MTBP: variants seen among roughly 807,000 people sequenced by gnomAD.
The protein encoded by MTBP is MDM2 binding protein.
MTBP carries 101 observed loss-of-function variants against 117.0 expected under a neutral mutation model. The ratio of observed to expected loss-of-function variants is 0.86; its 90% CI spans 0.73 to 1.02. The LOEUF (loss-of-function observed/expected upper bound fraction) is 1.02. Among genes scored for constraint, MTBP ranks in the 50% least tolerant of loss-of-function variants. The pLI is 0.00. For synonymous variants in MTBP, 350 were observed against 351.5 expected (o/e 1.00, Z 0.05); for missense variants, 970 against 1,030.9 (o/e 0.94, Z 0.81).
intron 12 of MTBP, 64 bp from the exon 13 acceptor site, chr8:120,490,399 C>T: frequency 1.0e-6 from 1 of 974,318 alleles, no homozygotes; most frequent in Non-Finnish European, 1.6e-6. Flanking sequence ...TTCCCAGGAA[C>T]TGAGTACTAA....
intron 20 of MTBP, among the ~76,000 whole-genome samples, chr8:120,519,731 T>C (rs551186899): frequency 6.6e-6 from 1 of 152,260 alleles, no homozygotes; most frequent in South Asian, 2.1e-4. Flanking sequence ...AGAAGCATGT[T>C]AATTCCACAG....
Position 120,456,622 on chromosome 8 carries a change from T to C in MTBP, c.699T>C (p.Ile233=). ...VVSLEDLRNV[I]DSKELWRGKI... The stretch of plus-strand genomic sequence containing the variant: ...CTTTAGAAGATCTCAGAAATGTTAT[T>C]GACTCAAAGGAATTATGGAGGGGGA... The change falls in exon 7 of 22, where the codon ATT becomes ATC. Residue 233 remains isoleucine, a synonymous_variant. Transcript: ENST00000305949. 3 of 1,602,764 alleles carry C rather than the reference T, an allele frequency of 1.9e-6. No homozygotes were observed. Among genetic ancestry groups the C allele is most frequent in the Non-Finnish European group, 2.6e-6 (3 of 1,172,754 alleles).
chr8:120,504,980 G>A (rs900479586), intron 15 of MTBP, among the ~76,000 whole-genome samples: 1 of 151,840 alleles, frequency 6.6e-6, no homozygotes, highest in African/African-American at 2.4e-5. Flanking sequence ...ATACTGTAAG[G>A]ATATTAATTA....
intron 18 of MTBP, among the ~76,000 whole-genome samples, chr8:120,517,380 A>G (rs1814937540): frequency 6.6e-6 from 1 of 152,004 alleles, no homozygotes; most frequent in Admixed American, 6.6e-5. Context: ...TGGCATGCAT[A>G]GCTGATTTAT....
chr8:120,449,659 C>A (rs754080489), intron 2 of MTBP, among the ~76,000 whole-genome samples: 1 of 152,092 alleles, frequency 6.6e-6, no homozygotes, highest in Non-Finnish European at 1.5e-5. Context: ...AACTGAATCC[C>A]AGTATTTAGA....
rs77071545 is a variant in MTBP, at chr8:120,506,688, A to C, written c.1728-18A>C. Reference sequence around the variant, plus strand: ...TTGAATCCACTTTTAATAAATCTGCATAACATTATTTTCCCAGAACTGGTT... The same window carrying C: ...TTGAATCCACTTTTAATAAATCTGCCTAACATTATTTTCCCAGAACTGGTT... On this transcript the variant is annotated intron_variant, in intron 15 of 21. Transcript: ENST00000305949. 21,857 of 1,560,366 alleles carry C rather than the reference A, an allele frequency of 0.014. 197 individuals are homozygous for C. The highest frequency in any genetic ancestry group is 0.018 in the Non-Finnish European group (20,355 of 1,158,530).
intron 2 of MTBP, among the ~76,000 whole-genome samples, chr8:120,448,571 T>C (rs1263660611): frequency 6.6e-6 from 1 of 152,204 alleles, no homozygotes; most frequent in South Asian, 2.1e-4. Flanking sequence ...CAGTGACCAA[T>C]CAATGACGTA....
At chr8:120,493,759 G>A (rs1814397477) in intron 13 of MTBP, among the ~76,000 whole-genome samples, 2 of 152,016 alleles carry the variant, frequency 1.3e-5, no homozygotes. Context: ...CCAAAGTGCT[G>A]GGATTACAGG....
rs1813469473 is a variant in MTBP, at chr8:120,456,482, A to G, written c.630-71A>G. On this transcript the variant is annotated intron_variant, in intron 6 of 21. Coordinates refer to ENST00000305949, the MANE Select transcript of MTBP (RefSeq NM_022045.5). ...TTGCAATTTTGCCTCTTAGGCTTGTAGTTAACTATAATGATTAAATCAGTG... is the reference window on the plus strand; with the variant it reads ...TTGCAATTTTGCCTCTTAGGCTTGTGGTTAACTATAATGATTAAATCAGTG... The G allele has an allele frequency of 4.2e-6, 4 of 961,112 alleles. No individual in the cohort carries two copies. The Admixed American group carries it at 1.0e-4, about 24-fold the overall frequency. The allele number at this position is 961,112 out of a possible 1,614,324, so 59.5% of individuals were successfully genotyped here.
chr8:120,447,210 G>T (rs1813246269), intron 2 of MTBP, among the ~76,000 whole-genome samples: 1 of 151,838 alleles, frequency 6.6e-6, no homozygotes, highest in East Asian at 1.9e-4. Context: ...GCAAGGAAGG[G>T]TCTGCTCCTT....
At chr8:120,502,416 T>C (rs1586966163) in intron 14 of MTBP, 76 bp from the exon 15 acceptor site, 4 of 1,002,190 alleles carry the variant, frequency 4.0e-6, no homozygotes, top group Non-Finnish European at 5.9e-6. Flanking sequence ...TGTATGTGTC[T>C]GTAAATACAC....
At chr8:120,446,325 C>G in intron 1 of MTBP, 108 bp from the exon 2 acceptor site, 1 of 710,324 alleles carries the variant, frequency 1.4e-6, no homozygotes, top group East Asian at 2.5e-5. Context: ...GCGTTTAGTA[C>G]TTTTATGTAC....
At chr8:120,459,148 A>G (rs1237844695) in intron 7 of MTBP, 67 bp from the exon 8 acceptor site, 2 of 1,339,220 alleles carry the variant, frequency 1.5e-6, no homozygotes, top group Middle Eastern at 2.6e-4. Flanking sequence ...ACATTGTAAT[A>G]AGATGTATTA....
chr8:120,484,402 T>C (rs1012309635), intron 11 of MTBP, among the ~76,000 whole-genome samples: 3 of 152,156 alleles, frequency 2.0e-5, no homozygotes, highest in African/African-American at 7.2e-5. Flanking sequence ...GGGAATAGAC[T>C]ATAACCCACG....
intron 11 of MTBP, among the ~76,000 whole-genome samples, chr8:120,484,263 A>G (rs1330478479): frequency 6.6e-6 from 1 of 152,196 alleles, no homozygotes; most frequent in African/African-American, 2.4e-5. Flanking sequence ...ACTGGTAACA[A>G]CAAGTGTTTT....
chr8:120,495,202 A>T (rs1321094273), intron 13 of MTBP, among the ~76,000 whole-genome samples: 1 of 152,200 alleles, frequency 6.6e-6, no homozygotes, highest in Non-Finnish European at 1.5e-5. Flanking sequence ...TTACTTCACT[A>T]ATAAAATTCT....
intron 10 of MTBP, among the ~76,000 whole-genome samples, chr8:120,467,692 A>T (rs1813728234): frequency 6.6e-6 from 1 of 152,166 alleles, no homozygotes; most frequent in African/African-American, 2.4e-5. Context: ...ATCATCCTCA[A>T]GTCTCTCAGA....
intron 1 of MTBP, 56 bp from the exon 2 acceptor site, chr8:120,446,377 A>G: frequency 9.5e-7 from 1 of 1,056,932 alleles, no homozygotes; most frequent in African/African-American, 1.6e-5. Flanking sequence ...AAATTGGACT[A>G]AGTTAGATTA....
chr8:120,452,991 A>G (rs916271253), intron 4 of MTBP, among the ~76,000 whole-genome samples: 2 of 152,182 alleles, frequency 1.3e-5, no homozygotes, highest in African/African-American at 2.4e-5. Context: ...CCTTTATGCT[A>G]TATAATAAAC....
Sources: gnomAD v4.1 joint callset for allele counts (sites outside exome capture counted in the v4.1 genomes callset) on GRCh38, gnomAD v4.1.1 for gene constraint, MANE v1.5 for transcripts, NCBI Gene and HGNC (gene_info 2026-07-23, HGNC 2026-07-21) for gene names.